The following DLAT variants were observed in gnomAD, a reference collection of about 807,000 sequenced individuals.
DLAT encodes dihydrolipoyllysine-residue acetyltransferase component of pyruvate dehydrogenase complex, mitochondrial.
A neutral mutation model predicts 68.0 loss-of-function variants in DLAT; 43 were observed. The ratio of observed to expected loss-of-function variants is 0.63; its 90% CI spans 0.50 to 0.81. The LOEUF (loss-of-function observed/expected upper bound fraction) is 0.81, where lower values mean the gene tolerates loss of function less well. DLAT is among the 40% of genes least tolerant of loss of function. The pLI, the probability that DLAT is intolerant of heterozygous loss-of-function variation, is 0.00. For missense variants in DLAT, 745 were observed against 815.4 expected, an observed-to-expected ratio of 0.91 and a Z score of 1.05; for synonymous variants, 265 against 288.6, an observed-to-expected ratio of 0.92 and a Z score of 0.83.
In DLAT at chr11:112,028,556, G is replaced by A. The variant is rs781936816; in HGVS notation, c.423G>A (p.Glu141=). The A allele has an allele frequency of 5.0e-6, 8 of 1,614,172 alleles. No homozygotes were observed. The East Asian group carries it at 1.8e-4, about 36-fold the overall frequency. Residue 141 remains glutamate, a synonymous_variant, in exon 3 of 14, where the codon GAG becomes GAA. Transcript: ENST00000280346. ...CCACTGTTGGATTTGAGAGCCTGGA[G>A]GAGTGTTATATGGCAAAGATACTTG... ...DKATVGFESL[E]ECYMAKILVA... is the part of the protein sequence containing the mutation.
In DLAT at chr11:112,045,959, G is replaced by T; in HGVS notation, c.1387G>T (p.Glu463Ter). Residue 463 changes from glutamate (E) to a stop codon, truncating the protein, a stop_gained, in exon 10 of 14, where the codon GAA (glutamate) becomes TAA (stop). Coordinates refer to ENST00000280346, the MANE Select transcript of DLAT (RefSeq NM_001931.5). LOFTEE classifies it high-confidence loss of function. Reference protein sequence around the residue: ...NMGEVLLVRKELNKILEGRSK... With the variant: ...NMGEVLLVRK ...GGGAGAAGTTTTGTTGGTACGGAAA[G>T]AACTTAATAAGGTAAAAGTTCTGAA... 2 of 1,589,842 alleles carry T rather than the reference G, an allele frequency of 1.3e-6. No homozygotes were observed. Among genetic ancestry groups the T allele is most frequent in the South Asian group, 1.1e-5 (1 of 90,392 alleles).
Position 112,043,543 on chromosome 11 carries a change from G to C in DLAT, c.1197+10G>C. On this transcript the variant is annotated intron_variant, in intron 8 of 13. Coordinates refer to ENST00000280346, the MANE Select transcript of DLAT (RefSeq NM_001931.5). ...TAGTAAAGTTGCTCCTGTGAGTTAT[G>C]TGTAGCTCTTACTTTTTTTGCAGTT... The C allele has an allele frequency of 6.2e-7, 1 of 1,613,178 alleles. No individual in the cohort carries two copies. The highest frequency in any genetic ancestry group is 1.1e-5 in the South Asian group (1 of 91,052).
intron 2 of DLAT, among the ~76,000 whole-genome samples, chr11:112,027,534 G>A (rs1344004560): frequency 1.3e-5 from 2 of 152,030 alleles, no homozygotes; most frequent in Non-Finnish European, 2.9e-5. Flanking sequence ...GGCACTTTGG[G>A]AGGCCAAGGC....
At position 112,045,141 on chromosome 11, in the gene DLAT, C is replaced by T; in HGVS notation, c.1201C>T (p.Pro401Ser). 1.2e-6 allele frequency: 2 copies of T among 1,613,864 alleles called. No individual in the cohort carries two copies. The highest frequency in any genetic ancestry group is 1.3e-5 in the African/African-American group (1 of 75,018). The change falls in exon 9 of 14, where the codon CCG becomes TCG. Residue 401 changes from proline to serine, a missense_variant. Transcript: ENST00000280346. ...AGCTTTTTCTTTCCTCCCATAGGCT[C>T]CGGCAGCTGTTGTGCCTCCCACAGG... Reference protein sequence around the residue: ...SFVPSKVAPAPAAVVPPTGPG... With the variant: ...SFVPSKVAPASAAVVPPTGPG...
chr11:112,041,132 G>A lies in DLAT; in HGVS notation c.1129+1735G>A, dbSNP rs148156707. Among the ~76,000 whole-genome samples the A allele has an allele frequency of 7.0e-3, 1,069 of 152,292 alleles. 63 individuals carry two copies. The highest frequency in any genetic ancestry group is 0.064 in the Admixed American group (982 of 15,294). ...AGTAGTTAAGAGTGTGAGCTCTGTA[G>A]CTGGAATGCTTGGGTATGAACCTCA... On this transcript the variant is annotated intron_variant, in intron 7 of 13. Transcript: ENST00000280346.
chr11:112,029,342 A>C (rs1555179762), intron 4 of DLAT, among the ~76,000 whole-genome samples: 3 of 152,188 alleles, frequency 2.0e-5, no homozygotes, highest in Admixed American at 2.0e-4. Flanking sequence ...TAAAGAAAAA[A>C]GGTTCATTTG....
chr11:112,029,472 A>G (rs1349136195), intron 4 of DLAT, among the ~76,000 whole-genome samples: 1 of 152,074 alleles, frequency 6.6e-6, no homozygotes, highest in Admixed American at 6.6e-5. Context: ...GGTGTGTCCC[A>G]TGAGAGAGGG....
At chr11:112,026,637 G>C (rs1290799941) in intron 2 of DLAT, among the ~76,000 whole-genome samples, 1 of 152,172 alleles carries the variant, frequency 6.6e-6, no homozygotes, top group African/African-American at 2.4e-5. Flanking sequence ...GCACAGGGTT[G>C]GGGGTAAGGT....
chr11:112,039,382 C>T lies in DLAT; in HGVS notation c.1114C>T (p.Leu372Phe), dbSNP rs782124389. The T allele has an allele frequency of 2.5e-6, 4 of 1,614,008 alleles. No individual in the cohort carries two copies. The highest frequency in any genetic ancestry group is 3.4e-6 in the Non-Finnish European group (4 of 1,179,950). Residue 372 changes from leucine (L) to phenylalanine (F), a missense_variant, in exon 7 of 14, where the codon CTT (leucine) becomes TTT (phenylalanine). Physicochemically the swap from Leu to Phe is conservative, Grantham distance 22. Transcript: ENST00000280346. ...GTTGGCAGTAGAGAAAGGGATTGAT[C>T]TTACACAAGTAAAAGGTAAATCTGT... is the stretch of plus-strand genomic sequence containing the variant. ...KKLAVEKGID[L>F]TQVKGTGPDG...
chr11:112,057,041 A>G (rs976563092), intron 11 of DLAT, among the ~76,000 whole-genome samples: 1 of 152,256 alleles, frequency 6.6e-6, no homozygotes, highest in African/African-American at 2.4e-5. Context: ...TTCAAACTTT[A>G]TTATTGTATC....
chr11:112,045,515 C>T (rs1555181394), intron 9 of DLAT, among the ~76,000 whole-genome samples: 2 of 152,062 alleles, frequency 1.3e-5, no homozygotes, highest in Non-Finnish European at 2.9e-5. Context: ...GTGAAACACC[C>T]CGTCTCTACT....
chr11:112,037,487 A>G (rs781942122), intron 6 of DLAT, 27 bp downstream of exon 6: 5 of 1,608,446 alleles, frequency 3.1e-6, no homozygotes, highest in Non-Finnish European at 4.3e-6. Context: ...AATTCAGGAA[A>G]CACTTACCTT....
chr11:112,036,195 GTGTGTGTTTTTTTTTTT>G lies in DLAT; in HGVS notation c.788-1076_788-1060del, dbSNP rs1862745004. 2.1e-4 allele frequency among the ~76,000 whole-genome samples: 14 copies of G among 66,904 alleles called. No homozygotes were observed. The East Asian group carries it at 3.9e-3, about 19-fold the overall frequency. 43.9% of individuals were successfully genotyped at this position (66,904 alleles called of 152,430 possible). A position where few individuals can be genotyped will look rare whatever the true frequency, so the allele number is the denominator to read the frequency against. On this transcript the variant is annotated intron_variant, in intron 5 of 13. Transcript: ENST00000280346. ...TGTGTGTGTGTGTGTGTGTGTGTGTGTGTGTGTTTTTTTTTTTTTTTTTTTTTTTTTTTTTGAGACGG... is the reference window on the plus strand; with the variant it reads ...TGTGTGTGTGTGTGTGTGTGTGTGTGTTTTTTTTTTTTTTTTTTGAGACGG...
chr11:112,061,337 A>G (rs1449409763), intron 13 of DLAT, 163 bp downstream of exon 13: 4 of 708,240 alleles, frequency 5.6e-6, no homozygotes, highest in African/African-American at 5.3e-5. Flanking sequence ...CATATAACCT[A>G]CACACATTAT....
At chr11:112,059,073 A>C (rs1592727314) in intron 11 of DLAT, among the ~76,000 whole-genome samples, 2 of 150,538 alleles carry the variant, frequency 1.3e-5, no homozygotes, top group Admixed American at 6.6e-5. Flanking sequence ...AAAGATTGGG[A>C]CCCCTTACTT....
At chr11:112,029,648 T>C (rs1862288376) in intron 4 of DLAT, among the ~76,000 whole-genome samples, 1 of 151,820 alleles carries the variant, frequency 6.6e-6, no homozygotes, top group Non-Finnish European at 1.5e-5. Flanking sequence ...CATATTTCTT[T>C]TTTTTTTTTT....
intron 7 of DLAT, 134 bp from the exon 8 acceptor site, chr11:112,043,332 G>T (rs918235907): frequency 1.2e-5 from 10 of 822,428 alleles, no homozygotes; most frequent in Non-Finnish European, 2.1e-5. Flanking sequence ...TAAGGGGTAG[G>T]GTTAAGGCTG....
chr11:112,047,251 A>G (rs1231181082), intron 10 of DLAT, among the ~76,000 whole-genome samples: 1 of 152,190 alleles, frequency 6.6e-6, no homozygotes, highest in African/African-American at 2.4e-5. Context: ...TGTTGGCCAC[A>G]TAAATGTCTT....
At chr11:112,028,488 C>T in intron 2 of DLAT, 27 bp from the exon 3 acceptor site, 1 of 1,608,840 alleles carries the variant, frequency 6.2e-7, no homozygotes, top group Non-Finnish European at 8.5e-7. Flanking sequence ...CAGTACAAAC[C>T]TGAGCTACTG....
Sources: gnomAD v4.1 joint callset for allele counts (sites outside exome capture counted in the v4.1 genomes callset) on GRCh38, gnomAD v4.1.1 for gene constraint, MANE v1.5 for transcripts, NCBI Gene and HGNC (gene_info 2026-07-23, HGNC 2026-07-21) for gene names.